Variants in SNED1 observed in about 807,000 individuals in gnomAD.
SNED1 encodes sushi, nidogen and EGF like domains 1, also known as sushi, nidogen and EGF-like domain-containing protein 1.
A neutral mutation model predicts 166.7 loss-of-function variants in SNED1; 81 were observed. The ratio of observed to expected loss-of-function variants is 0.49; its 90% CI spans 0.41 to 0.58. The LOEUF is 0.58. Ranked by LOEUF, SNED1 falls within the 20% of genes least tolerant of loss-of-function variation. The pLI, the probability that SNED1 is intolerant of heterozygous loss-of-function variation, is 0.00. For missense variants in SNED1, 1,604 were observed against 2,000.2 expected (o/e 0.80, Z 3.78); for synonymous variants, 762 against 822.0 (o/e 0.93, Z 1.25).
intron 1 of SNED1, among the ~76,000 whole-genome samples, chr2:241,002,220 A>G (rs2106527362): frequency 6.6e-6 from 1 of 152,240 alleles, no homozygotes; most frequent in South Asian, 2.1e-4. Context: ...TGTGGTCGCC[A>G]GCTCCAAGCC....
In SNED1 at chr2:241,093,451, G is replaced by A. The variant is rs1206965699; in HGVS notation, c.*1815G>A. 7.3e-6 allele frequency: 1 copy of A among 137,412 alleles called. No homozygotes were observed. Among genetic ancestry groups the A allele is most frequent in the Non-Finnish European group, 1.5e-5 (1 of 67,152 alleles). 8.5% of individuals were successfully genotyped at this position (137,412 alleles called of 1,614,324 possible). A position where few individuals can be genotyped will look rare whatever the true frequency, so the allele number is the denominator to read the frequency against. On this transcript the variant is annotated 3_prime_UTR_variant, in exon 32 of 32. Coordinates refer to ENST00000310397, the MANE Select transcript of SNED1 (RefSeq NM_001080437.3). ...CAAATGCTAATATGCTCCAGTGTTA[G>A]CTTAGAAGCCTTGTGTCAACAAGAA...
chr2:241,014,540 T>A (rs1435085176), intron 1 of SNED1, among the ~76,000 whole-genome samples: 1 of 152,214 alleles, frequency 6.6e-6, no homozygotes, highest in Non-Finnish European at 1.5e-5. Flanking sequence ...TCTCATATGT[T>A]CACTTACCAT....
At chr2:241,065,125 C>T (rs1484501198) in intron 20 of SNED1, among the ~76,000 whole-genome samples, 168 bp downstream of exon 20, 1 of 152,062 alleles carries the variant, frequency 6.6e-6, no homozygotes, top group Non-Finnish European at 1.5e-5. Context: ...CACGGTCACA[C>T]ATTCAAAAGT....
intron 29 of SNED1, among the ~76,000 whole-genome samples, chr2:241,084,902 G>A (rs1451464102): frequency 6.6e-6 from 1 of 151,968 alleles, no homozygotes; most frequent in African/African-American, 2.4e-5. Context: ...TAGACTTCTT[G>A]ATTGACAGTT....
intron 1 of SNED1, among the ~76,000 whole-genome samples, chr2:241,005,699 A>C (rs938946591): frequency 2.0e-5 from 3 of 151,834 alleles, no homozygotes; most frequent in Non-Finnish European, 1.5e-5. Flanking sequence ...TTGTGTTTTA[A>C]ATTTTTTGAA....
chr2:241,071,611 G>C lies in SNED1; in HGVS notation c.3625G>C (p.Gly1209Arg), dbSNP rs1433008764. 4.4e-6 allele frequency: 7 copies of C among 1,588,072 alleles called. No homozygotes were observed. The Admixed American group carries it at 8.6e-5, about 19-fold the overall frequency. The change falls in exon 25 of 32, where the codon GGA (glycine) becomes CGA (arginine). Residue 1209 changes from glycine to arginine, a missense_variant. Coordinates refer to ENST00000310397, the MANE Select transcript of SNED1 (RefSeq NM_001080437.3). The stretch of plus-strand genomic sequence containing the variant: ...TGGCGCTGACAGACGCTGGCACCAG[G>C]GAGGACACCACCCTCGGGTGCTCAA... ...RDGADRRWHQ[G>R]GHHPRVLKNR...
Position 241,071,718 on chromosome 2 carries a change from C to CCCCCGGGCA in SNED1, c.3732_3733insCCCCGGGCA (p.Pro1244_Arg1245insProArgAla). 6.7e-7 allele frequency: 1 copy of CCCCCGGGCA among 1,503,672 alleles called. No individual in the cohort carries two copies. The highest frequency in any genetic ancestry group is 9.0e-7 in the Non-Finnish European group (1 of 1,112,820). The allele number at this position is 1,503,672 out of a possible 1,614,324, so 93.1% of individuals were successfully genotyped here. On this transcript the variant is annotated inframe_insertion and splice_region_variant, in exon 25 of 32. Transcript: ENST00000310397. ...CCCCCGAGACCCCCACCCAGCCCCC[C>CCCCCGGGCA]AGGTACATGCCCCACCCATCGGCCC...
intron 1 of SNED1, among the ~76,000 whole-genome samples, chr2:241,026,270 C>G (rs2060966852): frequency 6.6e-6 from 1 of 152,126 alleles, no homozygotes; most frequent in South Asian, 2.1e-4. Flanking sequence ...CCCACCTCAG[C>G]CTCCCAAAGT....
At chr2:241,003,098 G>A (rs2060122835) in intron 1 of SNED1, among the ~76,000 whole-genome samples, 2 of 151,970 alleles carry the variant, frequency 1.3e-5, no homozygotes, top group South Asian at 2.1e-4. Context: ...TCCCCGCTAC[G>A]CTTCCCTGCC....
At chr2:241,058,818 C>T (rs1276472752) in intron 16 of SNED1, among the ~76,000 whole-genome samples, 5 of 152,012 alleles carry the variant, frequency 3.3e-5, no homozygotes, top group African/African-American at 7.3e-5. Context: ...GGCGAGGTGG[C>T]GGGCGCCTGT....
intron 3 of SNED1, 101 bp downstream of exon 3, chr2:241,033,976 TC>T: frequency 1.4e-6 from 2 of 1,408,348 alleles, no homozygotes; most frequent in Middle Eastern, 2.3e-4. Context: ...CATAGGCAGA[TC>T]CCCCAGTACC....
chr2:241,057,419 C>T (rs1455464480), intron 16 of SNED1, among the ~76,000 whole-genome samples: 6 of 122,616 alleles, frequency 4.9e-5, no homozygotes, highest in African/African-American at 1.9e-4. Context: ...ATATGCCATA[C>T]GCAGTGGCTC....
intron 1 of SNED1, among the ~76,000 whole-genome samples, chr2:241,009,670 C>T (rs145631249): frequency 1.3e-3 from 203 of 152,240 alleles, no homozygotes; most frequent in Non-Finnish European, 2.7e-3. Context: ...CCTCCCTTAC[C>T]CCTCCCCTGT....
chr2:241,088,465 C>T, intron 31 of SNED1, 63 bp downstream of exon 31: 1 of 1,360,008 alleles, frequency 7.4e-7, no homozygotes, highest in Non-Finnish European at 1.1e-6. Context: ...GGCGACTGCC[C>T]AGCCCCGGGA....
At chr2:241,078,363 A>G (rs1293978899) in intron 27 of SNED1, among the ~76,000 whole-genome samples, 3 of 145,354 alleles carry the variant, frequency 2.1e-5, no homozygotes, top group Non-Finnish European at 4.5e-5. Flanking sequence ...AGCCTGGGAG[A>G]CAGAACTAGA....
chr2:241,064,203 TGCCC>T lies in SNED1; in HGVS notation c.2599+82_2599+85del. Reference sequence around the variant, plus strand: ...CTCTGCCCGCCTGCTGCCCGCCCTCTGCCCGCCTGCTCCCCGCCCTCTGCCCGCC... The same window carrying T: ...CTCTGCCCGCCTGCTGCCCGCCCTCTGCCTGCTCCCCGCCCTCTGCCCGCC... On this transcript the variant is annotated intron_variant, in intron 19 of 31. Transcript: ENST00000310397. The surrounding 1 kb of genome is among the most constrained non-coding windows in gnomAD (Gnocchi z 7.0). 1 of 945,164 alleles carries T rather than the reference TGCCC, an allele frequency of 1.1e-6. No homozygotes were observed. Among genetic ancestry groups the T allele is most frequent in the Non-Finnish European group, 1.5e-6 (1 of 656,972 alleles). 58.5% of individuals were successfully genotyped at this position (945,164 alleles called of 1,614,324 possible).
chr2:241,017,966 G>T (rs73110132), intron 1 of SNED1, among the ~76,000 whole-genome samples: 3 of 152,272 alleles, frequency 2.0e-5, no homozygotes, highest in Admixed American at 6.5e-5. Flanking sequence ...TGACCAACTC[G>T]TCCTGGTTTA....
intron 4 of SNED1, among the ~76,000 whole-genome samples, chr2:241,035,107 A>G (rs2061306329): frequency 1.3e-5 from 2 of 151,982 alleles, no homozygotes; most frequent in Admixed American, 1.3e-4. Context: ...CCCTGGGACC[A>G]TGTGGTCCCT....
intron 29 of SNED1, chr2:241,087,126 A>G (rs2063622521): frequency 2.4e-6 from 1 of 416,706 alleles, no homozygotes; most frequent in Non-Finnish European, 4.2e-6. Flanking sequence ...TTTTAGTACC[A>G]TATCCTTTGT....
Sources: allele counts gnomAD v4.1 joint callset (sites outside exome capture counted in the v4.1 genomes callset), GRCh38; gene constraint gnomAD v4.1.1; non-coding constraint Gnocchi (gnomAD v3.1); transcripts MANE v1.5; gene names NCBI Gene and HGNC (gene_info 2026-07-23, HGNC 2026-07-21).